SPIRE2: variants seen among roughly 807,000 people sequenced by gnomAD.
SPIRE2 encodes the protein protein spire homolog 2.
In SPIRE2, 76 loss-of-function variants were observed where a neutral mutation model predicts 80.7. The observed-to-expected ratio is 0.94, with a 90% CI of 0.78 to 1.14. SPIRE2 has a LOEUF of 1.14. Ranked by LOEUF, SPIRE2 falls within the 50% of genes most tolerant of loss-of-function variation. The pLI, the probability that SPIRE2 is intolerant of heterozygous loss-of-function variation, is 0.00. For missense variants in SPIRE2, 1,196 were observed against 1,015.3 expected (o/e 1.18, Z -2.42); for synonymous variants, 535 against 432.6 (o/e 1.24, Z -2.94).
intron 1 of SPIRE2, among the ~76,000 whole-genome samples, chr16:89,830,519 G>T (rs1399979772): frequency 6.6e-6 from 1 of 151,190 alleles, no homozygotes; most frequent in African/African-American, 2.4e-5. Flanking sequence ...CTCCTCAAAG[G>T]TGGCTAACCC....
chr16:89,850,288 C>A lies in SPIRE2; in HGVS notation c.289-16C>A, dbSNP rs199553363. ...CCCCTGCAGTACCGCCCAGTGACCGCGCCCCTGTCCCGCAGACCGTGCAGT... is the reference window on the plus strand; with the variant it reads ...CCCCTGCAGTACCGCCCAGTGACCGAGCCCCTGTCCCGCAGACCGTGCAGT... On this transcript the variant is annotated splice_polypyrimidine_tract_variant and intron_variant, in intron 2 of 14. Transcript: ENST00000378247. 1.4e-5 allele frequency: 23 copies of A among 1,598,320 alleles called. No homozygotes were observed. The highest frequency in any genetic ancestry group is 2.0e-5 in the Non-Finnish European group (23 of 1,176,032).
At chr16:89,839,023 A>T (rs1186054315) in intron 1 of SPIRE2, among the ~76,000 whole-genome samples, 1 of 149,722 alleles carries the variant, frequency 6.7e-6, no homozygotes, top group Non-Finnish European at 1.5e-5. Context: ...TCTCAAGTGG[A>T]CACATCTGTG....
intron 8 of SPIRE2, 54 bp from the exon 9 acceptor site, chr16:89,859,111 C>T (rs1166309684): frequency 2.1e-6 from 3 of 1,447,578 alleles, no homozygotes; most frequent in East Asian, 2.6e-5. Context: ...CAGGCATGGG[C>T]AGGAGGCACT....
At chr16:89,849,287 G>A (rs1422236712) in intron 2 of SPIRE2, among the ~76,000 whole-genome samples, 3 of 152,196 alleles carry the variant, frequency 2.0e-5, no homozygotes, top group Non-Finnish European at 2.9e-5. Context: ...TGAGAGAGGG[G>A]CCATGAGCAG....
In SPIRE2 at chr16:89,858,500, C is replaced by T. The variant is rs754465584; in HGVS notation, c.1265C>T (p.Thr422Ile). 6.3e-7 allele frequency: 1 copy of T among 1,591,514 alleles called. No individual in the cohort carries two copies. The highest frequency in any genetic ancestry group is 8.5e-7 in the Non-Finnish European group (1 of 1,169,854). ...TTGGCTGAAATGGAAGAGATGAATA[C>T]ATCTGAGGTCAGAACCCATGGGGAT... ...PTLAEMEEMN[T>I]SEEEESPCGE... Residue 422 changes from threonine to isoleucine, a missense_variant, in exon 8 of 15, where the codon ACA becomes ATA. Physicochemically the swap from Thr to Ile is moderately conservative, Grantham distance 89 (BLOSUM62 -1). Transcript: ENST00000378247.
At chr16:89,834,767 A>G (rs1416171639) in intron 1 of SPIRE2, among the ~76,000 whole-genome samples, 1 of 107,700 alleles carries the variant, frequency 9.3e-6, no homozygotes, top group African/African-American at 3.6e-5. Context: ...TGGCCATCGT[A>G]GAAGTGTGGA....
intron 1 of SPIRE2, among the ~76,000 whole-genome samples, chr16:89,843,719 A>G (rs1292718929): frequency 5.1e-5 from 2 of 39,070 alleles, no homozygotes; most frequent in East Asian, 1.5e-3. Flanking sequence ...TTTTTTTTTG[A>G]GACAGAGTCT....
At chr16:89,840,667 A>G (rs1207089520) in intron 1 of SPIRE2, among the ~76,000 whole-genome samples, 7 of 123,492 alleles carry the variant, frequency 5.7e-5, no homozygotes, top group African/African-American at 1.2e-4. Flanking sequence ...AGATGGAGTC[A>G]CTCTGTCGCC....
At chr16:89,843,667 GTT>G (rs746543138) in intron 1 of SPIRE2, among the ~76,000 whole-genome samples, 29,611 of 58,094 alleles carry the variant, frequency 0.51, 7,250 homozygotes, top group East Asian at 0.82. Context: ...TTGCTGCCAC[GTT>G]TTTTTTTTTT....
intron 2 of SPIRE2, chr16:89,845,781 G>T (rs1249521343): frequency 5.0e-6 from 3 of 596,302 alleles, no homozygotes; most frequent in African/African-American, 3.7e-5. Context: ...CTCACCGCAG[G>T]GCAGGGCCTT....
At chr16:89,829,908 G>T (rs955080387) in intron 1 of SPIRE2, among the ~76,000 whole-genome samples, 2 of 151,374 alleles carry the variant, frequency 1.3e-5, no homozygotes, top group African/African-American at 4.8e-5. Context: ...AGAGGGTGGG[G>T]TGAGACGGCA....
At chr16:89,838,855 G>C (rs145043974) in intron 1 of SPIRE2, among the ~76,000 whole-genome samples, 1 of 151,878 alleles carries the variant, frequency 6.6e-6, no homozygotes, top group Non-Finnish European at 1.5e-5. Context: ...GGTTTTCTCC[G>C]CACAAAGGGC....
In SPIRE2 at chr16:89,865,965, CAA is replaced by C. The variant is rs376787173; in HGVS notation, c.1778+2125_1778+2126del. Among the ~76,000 whole-genome samples the C allele has an allele frequency of 4.7e-3, 272 of 57,506 alleles. 1 individual carries two copies. Among genetic ancestry groups the C allele is most frequent in the African/African-American group, 0.017 (246 of 14,218 alleles). 37.7% of individuals were successfully genotyped at this position (57,506 alleles called of 152,430 possible). A position where few individuals can be genotyped will look rare whatever the true frequency, so the allele number is the denominator to read the frequency against. The stretch of plus-strand genomic sequence containing the variant: ...ACTGGGCAACAGAGGGAGACTGTCT[CAA>C]AAAAAAAAAAAAAAAAAAAAGGTAA... On this transcript the variant is annotated intron_variant, in intron 12 of 14. Transcript: ENST00000378247.
At chr16:89,855,733 G>GCTGTC in intron 6 of SPIRE2, 47 bp downstream of exon 6, 1 of 1,585,780 alleles carries the variant, frequency 6.3e-7, no homozygotes, top group South Asian at 1.1e-5. Context: ...GGGGCCTGGT[G>GCTGTC]CTGTCCTGTA....
intron 7 of SPIRE2, 48 bp downstream of exon 7, chr16:89,856,284 G>A (rs2041691578): frequency 6.5e-7 from 1 of 1,530,982 alleles, no homozygotes; most frequent in African/African-American, 1.4e-5. Flanking sequence ...CCCCGGCTGG[G>A]GTTCCCCCAT....
intron 5 of SPIRE2, 82 bp downstream of exon 5, chr16:89,854,733 T>A (rs2041673177): frequency 2.2e-6 from 3 of 1,342,010 alleles, no homozygotes; most frequent in African/African-American, 2.8e-5. Flanking sequence ...AGCCTGGATG[T>A]TGGGCAGCCC....
At position 89,829,081 on chromosome 16, in the gene SPIRE2, G is replaced by C. The variant is rs1470285462; in HGVS notation, c.244+287G>C. ...AGCGCGGAGCGGGCTGCTCCCCAGT[G>C]GCCTGGCTTCCTCCGGGAGAGGGAC... On this transcript the variant is annotated intron_variant, in intron 1 of 14. Coordinates refer to ENST00000378247, the MANE Select transcript of SPIRE2 (RefSeq NM_032451.2). 2.6e-5 allele frequency among the ~76,000 whole-genome samples: 4 copies of C among 152,352 alleles called. No individual in the cohort carries two copies. The East Asian group carries it at 7.7e-4, about 29-fold the overall frequency.
At chr16:89,861,635 C>T (rs1232741087) in intron 10 of SPIRE2, among the ~76,000 whole-genome samples, 4 of 152,182 alleles carry the variant, frequency 2.6e-5, no homozygotes, top group Non-Finnish European at 5.9e-5. Context: ...GTTGGGACTC[C>T]GGCAGTGTCT....
intron 1 of SPIRE2, among the ~76,000 whole-genome samples, chr16:89,837,581 C>T (rs1413401546): frequency 3.3e-5 from 5 of 152,188 alleles, no homozygotes; most frequent in African/African-American, 7.2e-5. Flanking sequence ...ACTTGACACA[C>T]GCCAGGCAGG....
Sources: gnomAD v4.1 joint callset for allele counts (sites outside exome capture counted in the v4.1 genomes callset) on GRCh38, gnomAD v4.1.1 for gene constraint, MANE v1.5 for transcripts, NCBI Gene and HGNC (gene_info 2026-07-23, HGNC 2026-07-21) for gene names.